Variants in MAGI2 observed in about 807,000 individuals in gnomAD.
MAGI2 encodes the protein membrane-associated guanylate kinase, WW and PDZ domain-containing protein 2.
MAGI2 carries 35 observed loss-of-function variants against 133.3 expected under a neutral mutation model. The ratio of observed to expected loss-of-function variants is 0.26; its 90% confidence interval spans 0.20 to 0.35. The LOEUF (loss-of-function observed/expected upper bound fraction) is 0.35, where lower values mean the gene tolerates loss of function less well. MAGI2 is among the 10% of genes least tolerant of loss of function. The probability of loss-of-function intolerance (pLI) is 1.00; values close to 1 mark genes in which losing one functional copy is unlikely to be tolerated. For synonymous variants in MAGI2, 729 were observed against 710.6 expected (o/e 1.03, Z -0.41); for missense variants, 1,636 against 1,863.4 (o/e 0.88, Z 2.25).
intron 10 of MAGI2, chr7:78,255,407 C>G (rs531879071): frequency 5.1e-6 from 1 of 194,826 alleles, no homozygotes; most frequent in African/African-American, 2.4e-5. Context: ...AGCATCATTC[C>G]AAACTGTGAA....
chr7:78,832,106 T>G (rs1002596653), intron 2 of MAGI2, among the ~76,000 whole-genome samples: 2 of 151,928 alleles, frequency 1.3e-5, no homozygotes, highest in Non-Finnish European at 2.9e-5. Flanking sequence ...ATAAAATATA[T>G]CTGAATTAGA....
intron 2 of MAGI2, among the ~76,000 whole-genome samples, chr7:78,766,798 C>T (rs1825070654): frequency 6.6e-6 from 1 of 152,078 alleles, no homozygotes; most frequent in South Asian, 2.1e-4. Context: ...GAATAATGCA[C>T]TTCTTCTGGA....
chr7:78,965,444 G>A (rs150196680), intron 2 of MAGI2, among the ~76,000 whole-genome samples: 55 of 152,020 alleles, frequency 3.6e-4, no homozygotes, highest in African/African-American at 1.2e-3. Context: ...AGGTGGAACA[G>A]GAGGAAGAAT....
chr7:78,725,558 G>T (rs1021069069), intron 2 of MAGI2, among the ~76,000 whole-genome samples: 3 of 152,214 alleles, frequency 2.0e-5, no homozygotes, highest in African/African-American at 7.2e-5. Flanking sequence ...CAACACTTTG[G>T]GAGGCCTAGG....
chr7:78,556,025 T>C (rs1272300297), intron 3 of MAGI2, among the ~76,000 whole-genome samples: 1 of 152,286 alleles, frequency 6.6e-6, no homozygotes, highest in East Asian at 1.9e-4. Flanking sequence ...ATTAAAGGCC[T>C]TAAATTCAAT....
chr7:78,664,085 C>T (rs1483077595), intron 2 of MAGI2, among the ~76,000 whole-genome samples: 1 of 152,130 alleles, frequency 6.6e-6, no homozygotes, highest in Non-Finnish European at 1.5e-5. Context: ...TATGCAAAGG[C>T]TACCAGAGAG....
intron 7 of MAGI2, among the ~76,000 whole-genome samples, chr7:78,356,768 C>T (rs1792126146): frequency 6.6e-6 from 1 of 152,176 alleles, no homozygotes; most frequent in African/African-American, 2.4e-5. Context: ...TATTCACCAC[C>T]AAACCTTGGA....
At chr7:79,336,637 C>T (rs1840457950) in intron 1 of MAGI2, among the ~76,000 whole-genome samples, 1 of 151,972 alleles carries the variant, frequency 6.6e-6, no homozygotes, top group African/African-American at 2.4e-5. Flanking sequence ...CTAACAGTGG[C>T]TTTTAATAAT....
intron 2 of MAGI2, among the ~76,000 whole-genome samples, chr7:78,997,479 G>A (rs899382385): frequency 3.9e-5 from 6 of 151,922 alleles, no homozygotes; most frequent in African/African-American, 1.2e-4. Context: ...GTGGTCGCCT[G>A]TAATCCTAAC....
At chr7:79,173,138 T>G (rs1367223061) in intron 1 of MAGI2, among the ~76,000 whole-genome samples, 1 of 151,910 alleles carries the variant, frequency 6.6e-6, no homozygotes, top group African/African-American at 2.4e-5. Flanking sequence ...TGTTAGAAAA[T>G]AATAGAAAAC....
chr7:78,323,142 A>T (rs367740579), intron 9 of MAGI2, among the ~76,000 whole-genome samples: 12 of 152,064 alleles, frequency 7.9e-5, no homozygotes, highest in African/African-American at 1.4e-4. Flanking sequence ...TTGTTTAGTC[A>T]CTTCTTTATA....
intron 2 of MAGI2, among the ~76,000 whole-genome samples, chr7:78,988,636 T>C (rs1805481654): frequency 6.6e-6 from 1 of 152,136 alleles, no homozygotes; most frequent in Non-Finnish European, 1.5e-5. Flanking sequence ...ATCAATAAAC[T>C]TAAGCAAAAT....
At chr7:78,600,477 G>A (rs536889011) in intron 3 of MAGI2, among the ~76,000 whole-genome samples, 1 of 152,078 alleles carries the variant, frequency 6.6e-6, no homozygotes, top group South Asian at 2.1e-4. Flanking sequence ...GTAAGAAGGG[G>A]AAAAATAACT....
intron 20 of MAGI2, among the ~76,000 whole-genome samples, chr7:78,082,367 G>A (rs972087341): frequency 2.6e-5 from 4 of 152,176 alleles, no homozygotes; most frequent in Admixed American, 6.5e-5. Flanking sequence ...GGCTGCGTAA[G>A]GGCTGAGCTG....
intron 3 of MAGI2, among the ~76,000 whole-genome samples, chr7:78,543,483 A>C (rs1472711266): frequency 6.6e-6 from 1 of 152,246 alleles, no homozygotes; most frequent in Non-Finnish European, 1.5e-5. Context: ...TAACATTGGG[A>C]CATAAATGCA....
In MAGI2 at chr7:78,515,712, C is replaced by T. The variant is rs1257539876; in HGVS notation, c.754+5718G>A. ...GGTCAGGATTTCAAGACCAGCCTGA[C>T]CAAATGGAGAAACCCCATCTCTACT... On this transcript the variant is annotated intron_variant, in intron 4 of 21. Coordinates refer to ENST00000354212, the MANE Select transcript of MAGI2 (RefSeq NM_012301.4). 3.9e-5 allele frequency among the ~76,000 whole-genome samples: 6 copies of T among 152,180 alleles called. No individual in the cohort carries two copies. In the East Asian group the frequency reaches 1.2e-3, roughly 29 times the overall value.
At chr7:78,923,037 GTTGT>G (rs1417693374) in intron 2 of MAGI2, among the ~76,000 whole-genome samples, 3 of 152,104 alleles carry the variant, frequency 2.0e-5, no homozygotes, top group Admixed American at 1.3e-4. Context: ...TTTTAATGGG[GTTGT>G]TTGTTTTTTT....
intron 1 of MAGI2, among the ~76,000 whole-genome samples, chr7:79,041,265 T>C (rs1367316334): frequency 6.6e-6 from 1 of 152,160 alleles, no homozygotes; most frequent in Non-Finnish European, 1.5e-5. Flanking sequence ...TTCAAAGAAG[T>C]TTTGCATTAA....
At chr7:78,718,950 CT>C (rs1819989898) in intron 2 of MAGI2, among the ~76,000 whole-genome samples, 1 of 152,130 alleles carries the variant, frequency 6.6e-6, no homozygotes, top group African/African-American at 2.4e-5. Flanking sequence ...TGCTTTTATA[CT>C]TTTCACTTAC....
Sources: gnomAD v4.1 joint callset for allele counts (sites outside exome capture counted in the v4.1 genomes callset) on GRCh38, gnomAD v4.1.1 for gene constraint, MANE v1.5 for transcripts, NCBI Gene and HGNC (gene_info 2026-07-23, HGNC 2026-07-21) for gene names.